The following TMLHE variants were observed in gnomAD, a reference collection of about 807,000 sequenced individuals.
TMLHE encodes the protein trimethyllysine hydroxylase, epsilon.
TMLHE carries 18 observed loss-of-function variants against 25.7 expected under a neutral mutation model. That is an observed-to-expected ratio of 0.70 (90% CI 0.48 to 1.04). The LOEUF (loss-of-function observed/expected upper bound fraction) is 1.04, where lower values mean the gene tolerates loss of function less well. Ranked by LOEUF, TMLHE falls within the 50% of genes least tolerant of loss-of-function variation. The pLI, the probability that TMLHE is intolerant of heterozygous loss-of-function variation, is 0.00. For missense variants in TMLHE, 236 were observed against 259.0 expected (o/e 0.91, Z 0.61); for synonymous variants, 105 against 97.0 (o/e 1.08, Z -0.49).
intron 2 of TMLHE, among the ~76,000 whole-genome samples, chrX:155,541,310 C>G (rs782257253): frequency 9.0e-5 from 10 of 111,217 alleles, no homozygotes; most frequent in Non-Finnish European, 1.7e-4. Context: ...GTTTTCTATT[C>G]TTGTGTTAGT....
intron 3 of TMLHE, among the ~76,000 whole-genome samples, chrX:155,522,265 T>A (rs1020519240): frequency 1.8e-5 from 2 of 111,668 alleles, no homozygotes; most frequent in Non-Finnish European, 3.8e-5. Context: ...TTGGAGATAA[T>A]AGATTCACAG....
intron 1 of TMLHE, among the ~76,000 whole-genome samples, chrX:155,548,563 GT>G (rs2067381469): frequency 7.4e-5 from 8 of 108,681 alleles, no homozygotes; most frequent in Non-Finnish European, 1.5e-4. Context: ...GTGAAACCCT[GT>G]CTCTACTAAA....
chrX:155,591,600 A>T (rs1162561704), intron 1 of TMLHE, among the ~76,000 whole-genome samples: 1 of 111,525 alleles, frequency 9.0e-6, no homozygotes, highest in Non-Finnish European at 1.9e-5. Flanking sequence ...CCAAGGGGAA[A>T]TTTTTTTTGA....
chrX:155,544,460 C>T (rs1005252766), intron 2 of TMLHE, among the ~76,000 whole-genome samples: 6 of 111,675 alleles, frequency 5.4e-5, no homozygotes, highest in Non-Finnish European at 9.4e-5. Context: ...CCAAGGATTG[C>T]CAGCAACCAT....
At chrX:155,544,498 T>A (rs1557338494) in intron 2 of TMLHE, among the ~76,000 whole-genome samples, 2 of 111,441 alleles carry the variant, frequency 1.8e-5, no homozygotes. Flanking sequence ...AAGGAAAAAC[T>A]CTCTCCCAAA....
intron 1 of TMLHE, among the ~76,000 whole-genome samples, chrX:155,551,225 T>G (rs1557340003): frequency 2.7e-5 from 3 of 110,926 alleles, no homozygotes; most frequent in Non-Finnish European, 5.7e-5. Context: ...TTTTTTTTTA[T>G]TATACTAAAA....
At chrX:155,602,908 T>C (rs1028794727) in intron 1 of TMLHE, among the ~76,000 whole-genome samples, 1 of 111,829 alleles carries the variant, frequency 8.9e-6, no homozygotes, top group Non-Finnish European at 1.9e-5. Context: ...CAAAACATTG[T>C]TGAGGAAAAT....
chrX:155,548,594 G>GCA lies in TMLHE; in HGVS notation c.-1-3318_-1-3317insTG, dbSNP rs1557339402. On this transcript the variant is annotated intron_variant, in intron 1 of 7. Coordinates refer to ENST00000334398, the MANE Select transcript of TMLHE (RefSeq NM_018196.4). ...ACTAAAAAATACAAAAATTAGCCGG[G>GCA]TGTGGTGGCACACACCTGTATTCCC... Among the ~76,000 whole-genome samples the GCA allele has an allele frequency of 7.0e-3, 767 of 108,854 alleles. 28 individuals carry two copies. The highest frequency in any genetic ancestry group is 0.025 in the African/African-American group (728 of 29,496). 94.5% of individuals were successfully genotyped at this position (108,854 alleles called of 115,157 possible). A position where few individuals can be genotyped will look rare whatever the true frequency, so the allele number is the denominator to read the frequency against.
At chrX:155,509,035 A>G (rs2067091940) in intron 5 of TMLHE, among the ~76,000 whole-genome samples, 1 of 111,119 alleles carries the variant, frequency 9.0e-6, no homozygotes, top group South Asian at 3.8e-4. Flanking sequence ...GAAATCCCCA[A>G]GGAAGCTGGA....
intron 1 of TMLHE, among the ~76,000 whole-genome samples, chrX:155,569,310 A>G (rs1603070680): frequency 1.7e-5 from 1 of 57,418 alleles, no homozygotes; most frequent in African/African-American, 4.2e-5. Flanking sequence ...AAATGAACAA[A>G]GCCTCCAAGA....
intron 2 of TMLHE, among the ~76,000 whole-genome samples, chrX:155,527,907 T>C (rs2067228768): frequency 9.0e-6 from 1 of 111,475 alleles, no homozygotes; most frequent in South Asian, 3.7e-4. Flanking sequence ...ATTTGTAGCA[T>C]AAAAGGATTA....
In TMLHE at chrX:155,522,602, C is replaced by G. The variant is rs138806029; in HGVS notation, c.358+1854G>C. 5.1e-3 allele frequency among the ~76,000 whole-genome samples: 570 copies of G among 112,118 alleles called. 6 individuals are homozygous for G. Among genetic ancestry groups the G allele is most frequent in the African/African-American group, 0.018 (542 of 30,890 alleles). On this transcript the variant is annotated intron_variant, in intron 3 of 7. Transcript: ENST00000334398. ...TGGACACCAATAATCTGTTCTCTAC[C>G]TCTATAATTATGTTATTTCATGACT...
chrX:155,547,272 G>A (rs1215543820), intron 1 of TMLHE, among the ~76,000 whole-genome samples: 5 of 89,081 alleles, frequency 5.6e-5, no homozygotes, highest in African/African-American at 1.5e-4. Flanking sequence ...AGCCTCCCGA[G>A]TAGCTGGGAC....
intron 1 of TMLHE, among the ~76,000 whole-genome samples, chrX:155,604,282 G>A (rs1033777221): frequency 9.0e-6 from 1 of 111,078 alleles, no homozygotes; most frequent in Non-Finnish European, 1.9e-5. Context: ...ATTGGGGAAG[G>A]AACAAAGACC....
intron 3 of TMLHE, among the ~76,000 whole-genome samples, chrX:155,515,585 T>C (rs2124345931): frequency 8.9e-6 from 1 of 111,859 alleles, no homozygotes; most frequent in African/African-American, 3.2e-5. Flanking sequence ...TCTACTTATC[T>C]TCATTCCCTC....
intron 1 of TMLHE, among the ~76,000 whole-genome samples, chrX:155,597,443 C>T (rs2067728522): frequency 9.0e-6 from 1 of 111,253 alleles, no homozygotes; most frequent in Non-Finnish European, 1.9e-5. Flanking sequence ...TGTGGCGATT[C>T]CTCAGGGATC....
chrX:155,550,953 G>T (rs983930700), intron 1 of TMLHE, among the ~76,000 whole-genome samples: 1 of 110,562 alleles, frequency 9.0e-6, no homozygotes, highest in Non-Finnish European at 1.9e-5. Flanking sequence ...AGAAAAATGG[G>T]ACCAAAGATA....
intron 3 of TMLHE, among the ~76,000 whole-genome samples, chrX:155,523,831 A>C (rs1453409019): frequency 1.8e-5 from 2 of 112,101 alleles, no homozygotes; most frequent in East Asian, 5.5e-4. Context: ...GATTTCTTTC[A>C]TCAGCATTTA....
chrX:155,542,319 T>A lies in TMLHE; in HGVS notation c.181+2777A>T, dbSNP rs1263760655. Among the ~76,000 whole-genome samples, 8 of 111,691 alleles carry A rather than the reference T, an allele frequency of 7.2e-5. No individual in the cohort carries two copies. In the East Asian group the frequency reaches 2.2e-3, roughly 31 times the overall value. The stretch of plus-strand genomic sequence containing the variant: ...AACTTAACCAAGTTAGTGAAACACT[T>A]CTACAGTGAAAACTACAAAATGTTG... On this transcript the variant is annotated intron_variant, in intron 2 of 7. Coordinates refer to ENST00000334398, the MANE Select transcript of TMLHE (RefSeq NM_018196.4).
Sources: gnomAD v4.1 joint callset for allele counts (sites outside exome capture counted in the v4.1 genomes callset) on GRCh38, gnomAD v4.1.1 for gene constraint, MANE v1.5 for transcripts, NCBI Gene and HGNC (gene_info 2026-07-23, HGNC 2026-07-21) for gene names.